Variants in GRHL2 observed in about 807,000 individuals in gnomAD.
The protein encoded by GRHL2 is grainyhead like transcription factor 2, also known as grainyhead-like protein 2 homolog.
GRHL2 carries 21 observed loss-of-function variants against 83.8 expected under a neutral mutation model. The observed-to-expected ratio is 0.25, with a 90% CI of 0.18 to 0.36. The LOEUF is 0.36. Ranked by LOEUF, GRHL2 falls within the 10% of genes least tolerant of loss-of-function variation. The pLI, the probability that GRHL2 is intolerant of heterozygous loss-of-function variation, is 1.00. For synonymous variants in GRHL2, 280 were observed against 278.9 expected (o/e 1.00, Z -0.04); for missense variants, 623 against 781.8 (o/e 0.80, Z 2.42).
intron 14 of GRHL2, among the ~76,000 whole-genome samples, chr8:101,652,423 G>GTGGTGTGTGTGTC (rs1813665458): frequency 2.0e-5 from 1 of 50,136 alleles, no homozygotes; most frequent in Non-Finnish European, 3.9e-5. Flanking sequence ...GTGTGTGTGT[G>GTGGTGTGTGTGTC]TGGTGTGTGT....
At chr8:101,564,753 A>G (rs1811679237) in intron 4 of GRHL2, among the ~76,000 whole-genome samples, 1 of 143,674 alleles carries the variant, frequency 7.0e-6, no homozygotes, top group Admixed American at 7.1e-5. Flanking sequence ...TTCAGGCTGC[A>G]GGAAGCTATG....
rs182213847 is a variant in GRHL2, at chr8:101,652,913, T to C, written c.1698+3414T>C. The stretch of plus-strand genomic sequence containing the variant: ...TTGTTTGGGTAGAAATCCTCAGATT[T>C]TGGATTTCTCAAGTGCTCCTTTTCT... On this transcript the variant is annotated intron_variant, in intron 14 of 15. Coordinates refer to ENST00000646743, the MANE Select transcript of GRHL2 (RefSeq NM_024915.4). 5.3e-5 allele frequency among the ~76,000 whole-genome samples: 8 copies of C among 152,284 alleles called. No individual in the cohort carries two copies. In the East Asian group the frequency reaches 1.5e-3, roughly 29 times the overall value.
chr8:101,576,736 T>G (rs1811940688), intron 6 of GRHL2, among the ~76,000 whole-genome samples: 1 of 152,178 alleles, frequency 6.6e-6, no homozygotes, highest in Non-Finnish European at 1.5e-5. Context: ...TGTTTATAAT[T>G]TAGAACTGAA....
chr8:101,505,713 G>C (rs1284524810), intron 1 of GRHL2, among the ~76,000 whole-genome samples: 2 of 151,964 alleles, frequency 1.3e-5, no homozygotes, highest in African/African-American at 4.8e-5. Context: ...TATAAGGTAT[G>C]TTTTGTATCA....
At chr8:101,540,978 G>A (rs970151024) in intron 1 of GRHL2, among the ~76,000 whole-genome samples, 3 of 152,016 alleles carry the variant, frequency 2.0e-5, no homozygotes, top group Admixed American at 1.3e-4. Context: ...GTTTGCCTTT[G>A]CATACCCATA....
At chr8:101,640,080 G>A (rs1813369554) in intron 12 of GRHL2, among the ~76,000 whole-genome samples, 1 of 152,224 alleles carries the variant, frequency 6.6e-6, no homozygotes, top group African/African-American at 2.4e-5. Flanking sequence ...TCAGACAGCA[G>A]TTCTCAACAC....
chr8:101,499,904 C>T (rs546160897), intron 1 of GRHL2, among the ~76,000 whole-genome samples: 3 of 152,136 alleles, frequency 2.0e-5, no homozygotes, highest in East Asian at 1.9e-4. Flanking sequence ...GGTGAAACCC[C>T]GTCTTTAGTA....
chr8:101,661,504 TTAAA>T (rs1327777115), intron 14 of GRHL2, among the ~76,000 whole-genome samples: 1 of 152,218 alleles, frequency 6.6e-6, no homozygotes, highest in Non-Finnish European at 1.5e-5. Context: ...CCCATGTACT[TTAAA>T]TAATCTCTAG....
intron 7 of GRHL2, among the ~76,000 whole-genome samples, chr8:101,586,042 T>C (rs2130271256): frequency 6.6e-6 from 1 of 150,640 alleles, no homozygotes; most frequent in Admixed American, 6.6e-5. Flanking sequence ...CTGGGCCCTC[T>C]TCTTTCCTTC....
rs1814001443 is a variant in GRHL2, at chr8:101,664,487, A to G, written c.1732A>G (p.Ile578Val). The G allele has an allele frequency of 6.2e-7, 1 of 1,613,702 alleles. No individual in the cohort carries two copies. The highest frequency in any genetic ancestry group is 8.5e-7 in the Non-Finnish European group (1 of 1,179,724). ...SEKYGLPVEK[I>V]AKLYKKSKKG... ...GAAATATGGGCTGCCCGTGGAGAAG[A>G]TAGCAAAGCTTTACAAGAAAAGCAA... Residue 578 changes from isoleucine (I) to valine (V), a missense_variant, in exon 15 of 16, where the codon ATA (isoleucine) becomes GTA (valine). By Grantham distance (29) the Ile-to-Val change is conservative. Coordinates refer to ENST00000646743, the MANE Select transcript of GRHL2 (RefSeq NM_024915.4).
Position 101,611,187 on chromosome 8 carries a change from A to G in GRHL2, c.1099-8352A>G, listed in dbSNP as rs755288394. Among the ~76,000 whole-genome samples, 8 of 151,104 alleles carry G rather than the reference A, an allele frequency of 5.3e-5. 1 individual carries two copies. Among genetic ancestry groups the G allele is most frequent in the Admixed American group, 2.0e-4 (3 of 15,244 alleles). The stretch of plus-strand genomic sequence containing the variant: ...GACTGCTGTTTTCACATATTATGTC[A>G]GTGCTCTGAAGTCGTCCTTGCCTAT... On this transcript the variant is annotated intron_variant, in intron 8 of 15. Transcript: ENST00000646743.
intron 4 of GRHL2, among the ~76,000 whole-genome samples, chr8:101,565,239 A>G (rs1409625899): frequency 1.3e-5 from 2 of 152,230 alleles, no homozygotes; most frequent in East Asian, 3.8e-4. Context: ...ATGGAGTGGT[A>G]TTTAAGACCA....
rs1586183815 is a variant in GRHL2 at position 101,666,507 on chromosome 8, C to A, written c.1764-82C>A. 3 of 801,096 alleles carry A rather than the reference C, an allele frequency of 3.7e-6. No individual in the cohort carries two copies. In the Admixed American group the frequency reaches 5.7e-5, roughly 15 times the overall value. 49.6% of individuals were successfully genotyped at this position (801,096 alleles called of 1,614,324 possible). On this transcript the variant is annotated intron_variant, in intron 15 of 15. Coordinates refer to ENST00000646743, the MANE Select transcript of GRHL2 (RefSeq NM_024915.4). ...CACCACAAAAGAATGGCTACGAGAA[C>A]CCCCAGCCTGGAGCTCCCCTTGCCC...
chr8:101,656,483 G>A (rs1009435173), intron 14 of GRHL2, among the ~76,000 whole-genome samples: 9 of 152,198 alleles, frequency 5.9e-5, no homozygotes, highest in African/African-American at 2.2e-4. Flanking sequence ...AGCAACTTAA[G>A]CCCAATTAGG....
chr8:101,635,970 G>A (rs1813276055), intron 11 of GRHL2, among the ~76,000 whole-genome samples: 1 of 152,118 alleles, frequency 6.6e-6, no homozygotes, highest in African/African-American at 2.4e-5. Context: ...CACCCAGGCA[G>A]GGGCAGGGAC....
chr8:101,556,207 TC>T (rs1811486537), intron 3 of GRHL2, among the ~76,000 whole-genome samples: 1 of 152,146 alleles, frequency 6.6e-6, no homozygotes, highest in Non-Finnish European at 1.5e-5. Flanking sequence ...TCCACCCACC[TC>T]GGCCTCCCAA....
At chr8:101,625,333 G>T (rs1029166954) in intron 9 of GRHL2, among the ~76,000 whole-genome samples, 12 of 151,908 alleles carry the variant, frequency 7.9e-5, no homozygotes, top group African/African-American at 2.9e-4. Context: ...ACGTTATAGT[G>T]TTAATATAAT....
At chr8:101,513,598 G>T (rs1810510357) in intron 1 of GRHL2, among the ~76,000 whole-genome samples, 1 of 142,056 alleles carries the variant, frequency 7.0e-6, no homozygotes, top group Admixed American at 7.7e-5. Context: ...GGGTTCAAAT[G>T]ATTCTCCTGT....
At chr8:101,609,491 T>C (rs1027884727) in intron 8 of GRHL2, among the ~76,000 whole-genome samples, 3 of 151,036 alleles carry the variant, frequency 2.0e-5, no homozygotes, top group African/African-American at 7.4e-5. Flanking sequence ...AAGGCTGCCC[T>C]TGATTTAAAG....
Sources: gnomAD v4.1 joint callset for allele counts (sites outside exome capture counted in the v4.1 genomes callset) on GRCh38, gnomAD v4.1.1 for gene constraint, MANE v1.5 for transcripts, NCBI Gene and HGNC (gene_info 2026-07-23, HGNC 2026-07-21) for gene names.